Variants in ATE1 observed in about 807,000 individuals in gnomAD.
ATE1 encodes arginyltransferase 1, also known as arginyl-tRNA--protein transferase 1.
In ATE1, 36 loss-of-function variants were observed where a neutral mutation model predicts 70.5. The observed-to-expected ratio is 0.51, with a 90% CI of 0.39 to 0.67. The LOEUF is 0.67. Ranked by LOEUF, ATE1 falls within the 30% of genes least tolerant of loss-of-function variation. The pLI is 0.00. For synonymous variants in ATE1, 232 were observed against 219.3 expected, an observed-to-expected ratio of 1.06 and a Z score of -0.51; for missense variants, 593 against 629.5, an observed-to-expected ratio of 0.94 and a Z score of 0.62.
intron 7 of ATE1, among the ~76,000 whole-genome samples, chr10:121,893,641 T>G (rs1231489069): frequency 6.6e-6 from 1 of 152,122 alleles, no homozygotes; most frequent in African/African-American, 2.4e-5. Context: ...AAGTAACATT[T>G]TTTTACATCT....
chr10:121,766,630 C>A lies in ATE1; in HGVS notation c.1379-22772G>T, dbSNP rs1590240762. 1.3e-5 allele frequency among the ~76,000 whole-genome samples: 2 copies of A among 152,008 alleles called. 1 individual carries two copies. Among genetic ancestry groups the A allele is most frequent in the East Asian group, 3.9e-4 (2 of 5,180 alleles). On this transcript the variant is annotated intron_variant, in intron 11 of 11. Coordinates refer to ENST00000224652, the MANE Select transcript of ATE1 (RefSeq NM_001001976.3). ...ATCCCCGAAATTTGGGGATTTTTGG[C>A]TCCCTCTAGCCAAAGTACCAGGAAA... is the stretch of plus-strand genomic sequence containing the variant.
At chr10:121,914,736 G>C (rs75266859) in intron 3 of ATE1, among the ~76,000 whole-genome samples, 23,877 of 152,128 alleles carry the variant, frequency 0.16, 2,050 homozygotes, top group East Asian at 0.32. Context: ...TTGCAGGAAA[G>C]AGTAACATAG....
chr10:121,927,201 T>G (rs1235810200), intron 1 of ATE1: 5 of 985,338 alleles, frequency 5.1e-6, no homozygotes, highest in Non-Finnish European at 6.0e-6. Flanking sequence ...ACTTGTGGGC[T>G]GGCTTTGCTG....
intron 10 of ATE1, among the ~76,000 whole-genome samples, chr10:121,811,173 C>T (rs1947304312): frequency 6.6e-6 from 1 of 151,842 alleles, no homozygotes; most frequent in African/African-American, 2.4e-5. Context: ...TTGGCAAATA[C>T]AAATTAAAGT....
chr10:121,824,348 G>A (rs1265646601), intron 10 of ATE1, among the ~76,000 whole-genome samples: 1 of 152,178 alleles, frequency 6.6e-6, no homozygotes, highest in Non-Finnish European at 1.5e-5. Context: ...GGCCTGCAAG[G>A]CTATAGTGAA....
At chr10:121,885,437 G>A (rs1950359054) in intron 7 of ATE1, among the ~76,000 whole-genome samples, 1 of 151,424 alleles carries the variant, frequency 6.6e-6, no homozygotes, top group African/African-American at 2.4e-5. Flanking sequence ...AGGCATGGTG[G>A]TGGGCGCTTG....
In ATE1 at chr10:121,840,976, C is replaced by T. The variant is rs960472521; in HGVS notation, c.1157+106G>A. 1.4e-5 allele frequency: 15 copies of T among 1,037,572 alleles called. No homozygotes were observed. In the African/African-American group the frequency reaches 2.3e-4, roughly 16 times the overall value. The allele number at this position is 1,037,572 out of a possible 1,614,324, so 64.3% of individuals were successfully genotyped here. On this transcript the variant is annotated intron_variant, in intron 9 of 11. Coordinates refer to ENST00000224652, the MANE Select transcript of ATE1 (RefSeq NM_001001976.3). ...AGACTAGCAACAAATCATTATAATA[C>T]ACTGTCAATTAGGACTTCTACTGTT...
At chr10:121,761,916 A>T (rs1199760746) in intron 11 of ATE1, among the ~76,000 whole-genome samples, 1 of 152,132 alleles carries the variant, frequency 6.6e-6, no homozygotes, top group African/African-American at 2.4e-5. Flanking sequence ...TCCCCTACTC[A>T]TCCTCCAGTT....
At chr10:121,927,422 C>A (rs1590752134) in intron 1 of ATE1, 6 of 984,904 alleles carry the variant, frequency 6.1e-6, no homozygotes, top group Admixed American at 6.2e-5. Context: ...CATACATGAC[C>A]GGCACCTGTG....
chr10:121,927,815 T>C, intron 1 of ATE1, 29 bp downstream of exon 1: 1 of 1,537,446 alleles, frequency 6.5e-7, no homozygotes, highest in South Asian at 1.2e-5. Flanking sequence ...GCGCCCGGCT[T>C]CCCACGCCCG....
In ATE1 at chr10:121,865,447, G is replaced by A. The variant is rs146126012; in HGVS notation, c.975+4559C>T. ...GTGCCCTACTGGACTAGCTGGCAAA[G>A]TTTGACTCAGATGAGAAATTCAAGA... On this transcript the variant is annotated intron_variant, in intron 8 of 11. Transcript: ENST00000224652. 2.6e-3 allele frequency among the ~76,000 whole-genome samples: 403 copies of A among 152,308 alleles called. 3 individuals are homozygous for A. Among genetic ancestry groups the A allele is most frequent in the African/African-American group, 9.4e-3 (389 of 41,568 alleles).
intron 7 of ATE1, among the ~76,000 whole-genome samples, chr10:121,884,515 T>C (rs1380600451): frequency 6.6e-6 from 1 of 151,890 alleles, no homozygotes; most frequent in East Asian, 1.9e-4. Flanking sequence ...GCTTGAACCC[T>C]GGAGTTCAAG....
chr10:121,794,610 CA>C (rs71022866), intron 10 of ATE1, among the ~76,000 whole-genome samples: 1 of 77,550 alleles, frequency 1.3e-5, no homozygotes, highest in East Asian at 4.1e-4. Context: ...ACCCTGTCTC[CA>C]AAAAAAAAAA....
At chr10:121,780,241 C>A (rs1275149614) in intron 11 of ATE1, among the ~76,000 whole-genome samples, 1 of 152,228 alleles carries the variant, frequency 6.6e-6, no homozygotes, top group South Asian at 2.1e-4. Context: ...ACCTGCTCCA[C>A]CTCCTGTTTC....
At chr10:121,746,878 C>T (rs75422409) in intron 11 of ATE1, among the ~76,000 whole-genome samples, 83 of 152,284 alleles carry the variant, frequency 5.5e-4, no homozygotes, top group African/African-American at 1.9e-3. Context: ...ACTCTTCTTC[C>T]GACATCTAAA....
intron 10 of ATE1, among the ~76,000 whole-genome samples, chr10:121,815,381 T>C (rs1462752744): frequency 6.6e-6 from 1 of 152,190 alleles, no homozygotes; most frequent in Non-Finnish European, 1.5e-5. Flanking sequence ...GTGATCCGCC[T>C]GTCTCGGCCT....
chr10:121,795,413 T>C (rs916048853), intron 10 of ATE1, among the ~76,000 whole-genome samples: 6 of 152,162 alleles, frequency 3.9e-5, no homozygotes, highest in Non-Finnish European at 5.9e-5. Context: ...TGGATAAAGA[T>C]GAAGTATGCA....
chr10:121,851,757 A>G (rs983086326), intron 8 of ATE1, among the ~76,000 whole-genome samples: 1 of 152,238 alleles, frequency 6.6e-6, no homozygotes, highest in African/African-American at 2.4e-5. Flanking sequence ...TGGATATCTG[A>G]AAGAATTAAT....
intron 11 of ATE1, among the ~76,000 whole-genome samples, chr10:121,753,993 G>T (rs1217385274): frequency 6.6e-6 from 1 of 152,116 alleles, no homozygotes; most frequent in Admixed American, 6.5e-5. Flanking sequence ...GAGAAAATGG[G>T]GAGGCCAGAT....
Sources: gnomAD v4.1 joint callset for allele counts (sites outside exome capture counted in the v4.1 genomes callset) on GRCh38, gnomAD v4.1.1 for gene constraint, MANE v1.5 for transcripts, NCBI Gene and HGNC (gene_info 2026-07-23, HGNC 2026-07-21) for gene names.